SMAD3: variants seen among roughly 807,000 people sequenced by gnomAD.
The protein encoded by SMAD3 is SMAD family member 3.
In SMAD3, 12 loss-of-function variants were observed where a neutral mutation model predicts 51.8. The observed-to-expected ratio is 0.23, with a 90% confidence interval of 0.15 to 0.38. The LOEUF (loss-of-function observed/expected upper bound fraction) is 0.38, where lower values mean the gene tolerates loss of function less well. Ranked by LOEUF, SMAD3 falls within the 10% of genes least tolerant of loss-of-function variation. The pLI is 1.00. For missense variants in SMAD3, 294 were observed against 565.6 expected, an observed-to-expected ratio of 0.52 and a Z score of 4.87; for synonymous variants, 238 against 227.7, an observed-to-expected ratio of 1.05 and a Z score of -0.41.
intron 5 of SMAD3, among the ~76,000 whole-genome samples, chr15:67,180,742 C>T (rs1218644238): frequency 6.6e-6 from 1 of 151,938 alleles, no homozygotes; most frequent in East Asian, 1.9e-4. Flanking sequence ...ATCTGAAAGC[C>T]CTTTTAGGGG....
At chr15:67,126,702 A>G (rs1961398184) in intron 1 of SMAD3, among the ~76,000 whole-genome samples, 1 of 152,196 alleles carries the variant, frequency 6.6e-6, no homozygotes, top group South Asian at 2.1e-4. Context: ...TGGTTGGCAC[A>G]CAGTAGGCCC....
Position 67,067,153 on chromosome 15 carries a change from G to A in SMAD3, c.206+793G>A, listed in dbSNP as rs1402662386. Among the ~76,000 whole-genome samples, 5 of 147,642 alleles carry A rather than the reference G, an allele frequency of 3.4e-5. No individual in the cohort carries two copies. In the East Asian group the frequency reaches 1.1e-3, roughly 32 times the overall value. On this transcript the variant is annotated intron_variant, in intron 1 of 8. Coordinates refer to ENST00000327367, the MANE Select transcript of SMAD3 (RefSeq NM_005902.4). The stretch of plus-strand genomic sequence containing the variant: ...CGAGGGAGAGGGGCAGGCTGCAGCC[G>A]GGCAGATAACAAAACACACCCCAAA...
chr15:67,147,488 C>T (rs940500037), intron 1 of SMAD3, among the ~76,000 whole-genome samples: 2 of 152,048 alleles, frequency 1.3e-5, no homozygotes, highest in Non-Finnish European at 2.9e-5. Context: ...CAGAAGGATC[C>T]CTGGGTAAAT....
intron 1 of SMAD3, chr15:67,125,886 A>G (rs1566976617): frequency 1.0e-6 from 1 of 985,334 alleles, no homozygotes; most frequent in Non-Finnish European, 1.2e-6. Context: ...TTCACCAGGA[A>G]CCCCACACGC....
intron 5 of SMAD3, among the ~76,000 whole-genome samples, chr15:67,180,972 CTAAATAAATAAATAAATAAA>C (rs60300820): frequency 6.2e-5 from 9 of 145,954 alleles, no homozygotes; most frequent in African/African-American, 2.0e-4. Context: ...CCTTTATGAG[CTAAATAAATAAATAAATAAA>C]TAAATAAATA....
At chr15:67,119,508 G>A (rs545094530) in intron 1 of SMAD3, among the ~76,000 whole-genome samples, 17 of 152,302 alleles carry the variant, frequency 1.1e-4, no homozygotes, top group South Asian at 2.1e-4. Context: ...AGGGCTGACC[G>A]TGGGTGGGGA....
intron 1 of SMAD3, among the ~76,000 whole-genome samples, chr15:67,152,265 T>G (rs968103445): frequency 2.0e-5 from 3 of 152,268 alleles, no homozygotes; most frequent in African/African-American, 7.2e-5. Flanking sequence ...CATCATGTTG[T>G]CGTAGAATGA....
chr15:67,170,093 T>C (rs1354887301), intron 4 of SMAD3, among the ~76,000 whole-genome samples: 1 of 152,210 alleles, frequency 6.6e-6, no homozygotes, highest in Non-Finnish European at 1.5e-5. Context: ...TGGGGAGGCC[T>C]CAAGCCCTGC....
intron 1 of SMAD3, among the ~76,000 whole-genome samples, chr15:67,142,547 T>C (rs1961858661): frequency 6.6e-6 from 1 of 152,182 alleles, no homozygotes; most frequent in African/African-American, 2.4e-5. Context: ...TTCTGCTCAG[T>C]GTCCTAGATA....
intron 1 of SMAD3, among the ~76,000 whole-genome samples, chr15:67,079,178 A>G (rs1174704881): frequency 2.0e-5 from 3 of 151,994 alleles, no homozygotes; most frequent in Non-Finnish European, 2.9e-5. Context: ...GGGTTTTTCT[A>G]TGTTGGTCAG....
chr15:67,066,046 T>G lies in SMAD3; in HGVS notation c.-109T>G. 1.7e-6 allele frequency: 1 copy of G among 602,540 alleles called. No individual in the cohort carries two copies. Among genetic ancestry groups the G allele is most frequent in the Non-Finnish European group, 2.5e-6 (1 of 404,080 alleles). The allele number at this position is 602,540 out of a possible 1,614,324, so 37.3% of individuals were successfully genotyped here. On this transcript the variant is annotated 5_prime_UTR_variant, in exon 1 of 9. Coordinates refer to ENST00000327367, the MANE Select transcript of SMAD3 (RefSeq NM_005902.4). Reference sequence around the variant, plus strand: ...ACTTCGCCGAGAGTTGAGGCGAAGTTTGGGCGACCGCGGCAGGCCCCGGCC... The same window carrying G: ...ACTTCGCCGAGAGTTGAGGCGAAGTGTGGGCGACCGCGGCAGGCCCCGGCC...
intron 4 of SMAD3, among the ~76,000 whole-genome samples, chr15:67,168,224 G>C (rs1962644499): frequency 6.6e-6 from 1 of 152,210 alleles, no homozygotes; most frequent in African/African-American, 2.4e-5. Flanking sequence ...CAAAGTGCTG[G>C]GATTACACCG....
At position 67,103,123 on chromosome 15, in the gene SMAD3, T is replaced by C. The variant is rs111902897; in HGVS notation, c.206+36763T>C. On this transcript the variant is annotated intron_variant, in intron 1 of 8. Transcript: ENST00000327367. ...GCAGCTTGTCTGTGTGTCATTCATC[T>C]GCCCAAATTTGATTGTCAACTTCCT... is the stretch of plus-strand genomic sequence containing the variant. Among the ~76,000 whole-genome samples the C allele has an allele frequency of 6.9e-3, 1,052 of 152,248 alleles. 13 individuals are homozygous for C. The highest frequency in any genetic ancestry group is 0.024 in the African/African-American group (1,008 of 41,586).
chr15:67,090,088 G>C lies in SMAD3; in HGVS notation c.206+23728G>C, dbSNP rs368058676. On this transcript the variant is annotated intron_variant, in intron 1 of 8. Coordinates refer to ENST00000327367, the MANE Select transcript of SMAD3 (RefSeq NM_005902.4). ...CACGAGGGGGAGGCACACCCAGGCC[G>C]AGTGGAACACCACCCTAAGGGGGTG... Among the ~76,000 whole-genome samples, 36 of 152,308 alleles carry C rather than the reference G, an allele frequency of 2.4e-4. No homozygotes were observed. The South Asian group carries it at 7.3e-3, about 31-fold the overall frequency.
rs189432904 is a variant in SMAD3 at position 67,138,793 on chromosome 15, C to T, written c.207-26102C>T. 1.7e-4 allele frequency among the ~76,000 whole-genome samples: 26 copies of T among 152,334 alleles called. No homozygotes were observed. In the East Asian group the frequency reaches 4.6e-3, roughly 27 times the overall value. ...GAGAATTTATAAATACCCCTCACCT[C>T]CTCCCCTCCCTGGAAGATGTGAAAA... On this transcript the variant is annotated intron_variant, in intron 1 of 8. Coordinates refer to ENST00000327367, the MANE Select transcript of SMAD3 (RefSeq NM_005902.4).
At chr15:67,171,017 T>C (rs1962737454) in intron 5 of SMAD3, among the ~76,000 whole-genome samples, 1 of 152,198 alleles carries the variant, frequency 6.6e-6, no homozygotes, top group Admixed American at 6.5e-5. Flanking sequence ...GTGTTTCATC[T>C]TATAATTGTG....
intron 1 of SMAD3, among the ~76,000 whole-genome samples, chr15:67,073,735 C>T (rs781739567): frequency 6.6e-6 from 1 of 152,190 alleles, no homozygotes; most frequent in Non-Finnish European, 1.5e-5. Flanking sequence ...AGTGCAATGG[C>T]GCGGTCTTGC....
At chr15:67,113,833 G>A (rs758505335) in intron 1 of SMAD3, among the ~76,000 whole-genome samples, 1 of 152,214 alleles carries the variant, frequency 6.6e-6, no homozygotes, top group Non-Finnish European at 1.5e-5. Context: ...AGCTCTTTGA[G>A]GACAGTAACT....
chr15:67,147,424 T>C (rs1013592675), intron 1 of SMAD3, among the ~76,000 whole-genome samples: 4 of 152,064 alleles, frequency 2.6e-5, no homozygotes, highest in Admixed American at 2.6e-4. Flanking sequence ...TTTGGGGCCA[T>C]AGTTTTGGGG....
Sources: gnomAD v4.1 joint callset for allele counts (sites outside exome capture counted in the v4.1 genomes callset) on GRCh38, gnomAD v4.1.1 for gene constraint, MANE v1.5 for transcripts, NCBI Gene and HGNC (gene_info 2026-07-23, HGNC 2026-07-21) for gene names.